The following SPATS2 variants were observed in gnomAD, a reference collection of about 807,000 sequenced individuals.
SPATS2 encodes the protein spermatogenesis associated serine rich 2, also known as spermatogenesis-associated serine-rich protein 2.
SPATS2 carries 38 observed loss-of-function variants against 63.7 expected under a neutral mutation model. The ratio of observed to expected loss-of-function variants is 0.60; its 90% confidence interval spans 0.46 to 0.78. SPATS2 has a LOEUF of 0.78. Among genes scored for constraint, SPATS2 ranks in the 30% least tolerant of loss-of-function variants. The pLI, the probability that SPATS2 is intolerant of heterozygous loss-of-function variation, is 0.00. For synonymous variants in SPATS2, 207 were observed against 232.9 expected (o/e 0.89, Z 1.01); for missense variants, 588 against 666.2 (o/e 0.88, Z 1.29).
At chr12:49,395,518 T>C (rs941711333) in intron 2 of SPATS2, among the ~76,000 whole-genome samples, 1 of 151,780 alleles carries the variant, frequency 6.6e-6, no homozygotes, top group Non-Finnish European at 1.5e-5. Context: ...TCCTCCTCCA[T>C]GATTCAAGTG....
chr12:49,521,048 A>G (rs1339186260), intron 11 of SPATS2, among the ~76,000 whole-genome samples: 1 of 152,192 alleles, frequency 6.6e-6, no homozygotes, highest in African/African-American at 2.4e-5. Context: ...AGTGTTTCTG[A>G]GACTAAGCAT....
At chr12:49,420,535 A>G (rs1258983681) in intron 2 of SPATS2, among the ~76,000 whole-genome samples, 6 of 152,242 alleles carry the variant, frequency 3.9e-5, no homozygotes, top group Non-Finnish European at 7.3e-5. Context: ...TGGAGGTTGC[A>G]GTGAGCCACT....
chr12:49,386,668 G>A (rs901568038), intron 2 of SPATS2, among the ~76,000 whole-genome samples: 9 of 152,140 alleles, frequency 5.9e-5, no homozygotes, highest in Admixed American at 3.3e-4. Flanking sequence ...AATTCTAACC[G>A]GGTAAGGAGG....
chr12:49,504,766 C>CTTTCTTTTTTTTTTTTTTTTTTTT (rs1946627664), intron 9 of SPATS2, among the ~76,000 whole-genome samples: 2 of 104,528 alleles, frequency 1.9e-5, no homozygotes, highest in African/African-American at 4.0e-5. Context: ...TTCTTTCTTT[C>CTTTCTTTTTTTTTTTTTTTTTTTT]TTTCTTTTTT....
intron 12 of SPATS2, among the ~76,000 whole-genome samples, chr12:49,524,403 C>T (rs1946996471): frequency 1.3e-5 from 2 of 152,126 alleles, no homozygotes; most frequent in Non-Finnish European, 2.9e-5. Context: ...GTACTAGATC[C>T]AATCCCAAGA....
chr12:49,415,960 T>C (rs911053461), intron 2 of SPATS2, among the ~76,000 whole-genome samples: 1 of 152,172 alleles, frequency 6.6e-6, no homozygotes, highest in Non-Finnish European at 1.5e-5. Flanking sequence ...GGCCTTGGCT[T>C]ACACTCTCAA....
intron 2 of SPATS2, among the ~76,000 whole-genome samples, chr12:49,457,438 CTTT>C (rs529474329): frequency 6.8e-6 from 1 of 145,990 alleles, no homozygotes. Flanking sequence ...CTTTCATCCT[CTTT>C]TTTTTTTTTG....
intron 10 of SPATS2, among the ~76,000 whole-genome samples, chr12:49,517,008 T>C (rs888941054): frequency 6.6e-6 from 1 of 152,226 alleles, no homozygotes; most frequent in African/African-American, 2.4e-5. Flanking sequence ...AAGTAACTGA[T>C]AGGTTTGTAG....
chr12:49,383,142 C>T (rs964681281), intron 2 of SPATS2, among the ~76,000 whole-genome samples: 19 of 151,316 alleles, frequency 1.3e-4, no homozygotes, highest in African/African-American at 3.9e-4. Flanking sequence ...CTCAGCCTCC[C>T]GGCTAGCTGG....
chr12:49,385,442 C>T (rs1028202011), intron 2 of SPATS2, among the ~76,000 whole-genome samples: 2 of 150,962 alleles, frequency 1.3e-5, no homozygotes, highest in South Asian at 4.2e-4. Flanking sequence ...GAGGGAAGGC[C>T]TTGTTGAGAA....
chr12:49,400,914 C>T (rs571077373), intron 2 of SPATS2, among the ~76,000 whole-genome samples: 14 of 152,286 alleles, frequency 9.2e-5, no homozygotes, highest in Middle Eastern at 6.8e-3. Flanking sequence ...CTTACTCCGT[C>T]AGCCAGGCTT....
chr12:49,502,896 T>G (rs1197666842), intron 9 of SPATS2, among the ~76,000 whole-genome samples: 1 of 152,220 alleles, frequency 6.6e-6, no homozygotes, highest in South Asian at 2.1e-4. Flanking sequence ...TCCTCTGTAT[T>G]TATCTAAATC....
chr12:49,391,279 C>T (rs1477379516), intron 2 of SPATS2, among the ~76,000 whole-genome samples: 8 of 152,120 alleles, frequency 5.3e-5, no homozygotes, highest in South Asian at 2.1e-4. Flanking sequence ...TTTGGGAGGC[C>T]GAGGCTGGTG....
intron 2 of SPATS2, among the ~76,000 whole-genome samples, chr12:49,432,325 A>G (rs1488934019): frequency 6.6e-6 from 1 of 152,174 alleles, no homozygotes; most frequent in East Asian, 1.9e-4. Context: ...TACAAAAATT[A>G]GCTGGGTGTG....
chr12:49,439,680 ATCAGGAGT>A, intron 2 of SPATS2, among the ~76,000 whole-genome samples: 1 of 152,320 alleles, frequency 6.6e-6, no homozygotes, highest in South Asian at 2.1e-4. Context: ...GATGAATAAA[ATCAGGAGT>A]TCAGGTTTGG....
intron 4 of SPATS2, 119 bp from the exon 5 acceptor site, chr12:49,489,345 TA>T: frequency 1.5e-6 from 1 of 655,314 alleles, no homozygotes; most frequent in Non-Finnish European, 2.6e-6. Flanking sequence ...TCACTGACAC[TA>T]AAGAGTGATA....
At chr12:49,404,412 A>C (rs1369432482) in intron 2 of SPATS2, among the ~76,000 whole-genome samples, 2 of 151,412 alleles carry the variant, frequency 1.3e-5, no homozygotes, top group Non-Finnish European at 2.9e-5. Flanking sequence ...TCAGTCTCCC[A>C]AGTAGCTGGG....
intron 3 of SPATS2, among the ~76,000 whole-genome samples, chr12:49,466,034 G>A (rs1044261818): frequency 6.7e-6 from 1 of 149,262 alleles, no homozygotes; most frequent in East Asian, 1.9e-4. Context: ...TTTCTATCAC[G>A]GATTGGGTTT....
rs181095698 is a variant in SPATS2 at position 49,447,517 on chromosome 12, G to A, written c.-243-13253G>A. ...CTCCCAAAGTGCTGGGATTACAGGC[G>A]TGAGCCACTGTGCCCGGCCTGTTCT... On this transcript the variant is annotated intron_variant, in intron 2 of 13. Coordinates refer to ENST00000552918, the MANE Select transcript of SPATS2 (RefSeq NM_023071.4). Among the ~76,000 whole-genome samples, 217 of 152,308 alleles carry A rather than the reference G, an allele frequency of 1.4e-3. 1 individual carries two copies. Among genetic ancestry groups the A allele is most frequent in the Non-Finnish European group, 2.4e-3 (164 of 68,036 alleles).
Sources: allele counts gnomAD v4.1 joint callset (sites outside exome capture counted in the v4.1 genomes callset), GRCh38; gene constraint gnomAD v4.1.1; transcripts MANE v1.5; gene names NCBI Gene and HGNC (gene_info 2026-07-23, HGNC 2026-07-21).